The following MPV17 variants were observed in gnomAD, a reference collection of about 807,000 sequenced individuals.
MPV17 encodes the protein MPV17, mitochondrial inner membrane protein.
MPV17 carries 31 observed loss-of-function variants against 28.6 expected under a neutral mutation model. That is an observed-to-expected ratio of 1.08 (90% CI 0.81 to 1.46). The LOEUF is 1.46. MPV17 is among the 40% of genes most tolerant of loss of function. The pLI, the probability that MPV17 is intolerant of heterozygous loss-of-function variation, is 0.00. For synonymous variants in MPV17, 87 were observed against 85.3 expected (o/e 1.02, Z -0.11); for missense variants, 198 against 216.2 (o/e 0.92, Z 0.53).
rs1231839460 is a variant in MPV17 at position 27,312,726 on chromosome 2, G to A, written c.233C>T (p.Pro78Leu). ...CAGTGCATCCACTTTGGTGGTGCCAGGGATGAACCGATCCAAAACCTTGTA... is the reference window on the plus strand; with the variant it reads ...CAGTGCATCCACTTTGGTGGTGCCAAGGATGAACCGATCCAAAACCTTGTA... ...GWYKVLDRFIPGTTKVDALKK... is the reference protein window; with the variant it reads ...GWYKVLDRFILGTTKVDALKK... The change falls in exon 4 of 8, where the codon CCT becomes CTT. Residue 78 changes from proline to leucine, a missense_variant. Transcript: ENST00000380044. 2.5e-6 allele frequency: 4 copies of A among 1,614,078 alleles called. No homozygotes were observed. Among genetic ancestry groups the A allele is most frequent in the African/African-American group, 1.3e-5 (1 of 74,940 alleles).
intron 2 of MPV17, among the ~76,000 whole-genome samples, chr2:27,318,932 T>G (rs1242606590): frequency 2.6e-5 from 4 of 151,796 alleles, no homozygotes; most frequent in African/African-American, 9.7e-5. Flanking sequence ...GCCCAGCTAA[T>G]TTTTGTATTT....
chr2:27,321,978 C>A (rs1013841837), intron 2 of MPV17: 2 of 192,972 alleles, frequency 1.0e-5, no homozygotes, highest in East Asian at 2.6e-4. Flanking sequence ...CTTAATCATT[C>A]TTTTGTATGT....
At chr2:27,322,290 A>G (rs1193015004) in intron 2 of MPV17, 158 bp downstream of exon 2, 1 of 734,534 alleles carries the variant, frequency 1.4e-6, no homozygotes, top group Admixed American at 2.0e-5. Context: ...CTTGGGGACC[A>G]CCCTCCAAAA....
chr2:27,321,258 G>A (rs1572553761), intron 2 of MPV17, among the ~76,000 whole-genome samples: 1 of 152,252 alleles, frequency 6.6e-6, no homozygotes, highest in Admixed American at 6.5e-5. Flanking sequence ...ACACTGTCCA[G>A]CATGAGTCAC....
rs2148215841 is a variant in MPV17, at chr2:27,312,698, C to T, written c.261G>A (p.Lys87=). Residue 87 remains lysine (K), a synonymous_variant, in exon 4 of 8, where the codon AAG becomes AAA. Transcript: ENST00000380044. The part of the protein sequence containing the change: ...IPGTTKVDAL[K]KMLLDQGGFA... ...TGCTCACCTGATCCAACAACATCTTCTTCAGTGCATCCACTTTGGTGGTGC... is the reference window on the plus strand; with the variant it reads ...TGCTCACCTGATCCAACAACATCTTTTTCAGTGCATCCACTTTGGTGGTGC... 6.2e-6 allele frequency: 10 copies of T among 1,614,260 alleles called. No homozygotes were observed. Among genetic ancestry groups the T allele is most frequent in the Non-Finnish European group, 8.5e-6 (10 of 1,180,048 alleles).
intron 2 of MPV17, chr2:27,313,418 G>A: frequency 1.7e-6 from 1 of 594,456 alleles, no homozygotes; most frequent in Non-Finnish European, 3.0e-6. Context: ...AAGGCCACAG[G>A]GCTGAGAACC....
At position 27,312,194 on chromosome 2, in the gene MPV17, G is replaced by A; in HGVS notation, c.408+20C>T. On this transcript the variant is annotated intron_variant, in intron 6 of 7. Coordinates refer to ENST00000380044, the MANE Select transcript of MPV17 (RefSeq NM_002437.5). Reference sequence around the variant, plus strand: ...ACTTAAGGAAGCAGGAGAACAAGCAGTTGAGGTGTCAGCTCTTACATAGTA... The same window carrying A: ...ACTTAAGGAAGCAGGAGAACAAGCAATTGAGGTGTCAGCTCTTACATAGTA... 6.2e-7 allele frequency: 1 copy of A among 1,612,738 alleles called. No homozygotes were observed.
intron 2 of MPV17, among the ~76,000 whole-genome samples, chr2:27,314,083 G>C (rs1679558599): frequency 6.6e-6 from 1 of 152,172 alleles, no homozygotes; most frequent in African/African-American, 2.4e-5. Context: ...CCGGCACTCT[G>C]GGAGGCTGAG....
chr2:27,322,283 G>T, intron 2 of MPV17, 165 bp downstream of exon 2: 1 of 713,440 alleles, frequency 1.4e-6, no homozygotes, highest in Non-Finnish European at 2.5e-6. Context: ...AAACAGCCTT[G>T]GGGACCACCC....
chr2:27,313,579 T>C (rs1351390538), intron 2 of MPV17, among the ~76,000 whole-genome samples: 1 of 152,296 alleles, frequency 6.6e-6, no homozygotes, highest in East Asian at 1.9e-4. Flanking sequence ...CACTGTTCTT[T>C]CCAGGACTCA....
At chr2:27,320,934 A>G (rs1353093415) in intron 2 of MPV17, among the ~76,000 whole-genome samples, 1 of 152,128 alleles carries the variant, frequency 6.6e-6, no homozygotes, top group Non-Finnish European at 1.5e-5. Flanking sequence ...GTCTGGGAAA[A>G]GTGCTGGGAG....
rs575924994 is a variant in MPV17, at chr2:27,317,397, A to G, written c.71-4288T>C. 7.2e-5 allele frequency among the ~76,000 whole-genome samples: 11 copies of G among 152,208 alleles called. No individual in the cohort carries two copies. Among genetic ancestry groups the G allele is most frequent in the African/African-American group, 2.4e-4 (10 of 41,540 alleles). On this transcript the variant is annotated intron_variant, in intron 2 of 7. Coordinates refer to ENST00000380044, the MANE Select transcript of MPV17 (RefSeq NM_002437.5). The surrounding 1 kb of genome is among the most constrained non-coding windows in gnomAD (Gnocchi z 4.0). ...TCCTACTGCTAGAAAATGAGACAAA[A>G]CGGGTAGTTTTGCAGCTTGTTACGT...
intron 2 of MPV17, among the ~76,000 whole-genome samples, chr2:27,318,061 TTTC>T (rs1679720706): frequency 6.6e-6 from 1 of 151,834 alleles, no homozygotes; most frequent in Non-Finnish European, 1.5e-5. Flanking sequence ...GAGGTCAATC[TTTC>T]TTTTCTTTTT....
chr2:27,317,086 C>A lies in MPV17; in HGVS notation c.71-3977G>T. On this transcript the variant is annotated intron_variant, in intron 2 of 7. Coordinates refer to ENST00000380044, the MANE Select transcript of MPV17 (RefSeq NM_002437.5). This position sits in a 1 kb window ranked among gnomAD's most constrained non-coding sequence, Gnocchi z 4.0. ...TTTGTTCCTCTACTTACTTTTGTGG[C>A]TTTTGAGTTTCATGCGCAGAAGGCA... 6.5e-7 allele frequency: 1 copy of A among 1,547,946 alleles called. No homozygotes were observed. Among genetic ancestry groups the A allele is most frequent in the Non-Finnish European group, 8.7e-7 (1 of 1,146,402 alleles).
chr2:27,309,847 G>T lies in MPV17; in HGVS notation c.*65C>A. On this transcript the variant is annotated 3_prime_UTR_variant, in exon 8 of 8. Coordinates refer to ENST00000380044, the MANE Select transcript of MPV17 (RefSeq NM_002437.5). ...AAACTGGTATGCCCACTTTGAGGAG[G>T]TTGTCTGACCGTTCCAGGGTCAAGC... 7.1e-7 allele frequency: 1 copy of T among 1,403,364 alleles called. No homozygotes were observed. The highest frequency in any genetic ancestry group is 1.8e-4 in the Middle Eastern group (1 of 5,614). 86.9% of individuals were successfully genotyped at this position (1,403,364 alleles called of 1,614,324 possible).
chr2:27,319,691 G>A (rs1679781964), intron 2 of MPV17, among the ~76,000 whole-genome samples: 1 of 151,592 alleles, frequency 6.6e-6, no homozygotes, highest in African/African-American at 2.4e-5. Context: ...CTGGGAGGCT[G>A]AGGTGGGCGG....
intron 2 of MPV17, chr2:27,321,962 A>G (rs1300666264): frequency 5.4e-6 from 1 of 186,010 alleles, no homozygotes; most frequent in Non-Finnish European, 1.2e-5. Context: ...AACTGTACAT[A>G]CACATCTTAA....
chr2:27,310,886 AG>A, intron 7 of MPV17, among the ~76,000 whole-genome samples: 1 of 144,422 alleles, frequency 6.9e-6, no homozygotes, highest in African/African-American at 2.6e-5. Flanking sequence ...CTGGGACTAC[AG>A]GCACCTGCCA....
chr2:27,311,759 G>C, intron 7 of MPV17, 140 bp downstream of exon 7: 2 of 1,559,068 alleles, frequency 1.3e-6, no homozygotes, highest in Non-Finnish European at 1.7e-6. Flanking sequence ...AACACGCTTG[G>C]GAATCTGAGG....
Sources: gnomAD v4.1 joint callset for allele counts (sites outside exome capture counted in the v4.1 genomes callset) on GRCh38, gnomAD v4.1.1 for gene constraint, Gnocchi (gnomAD v3.1) non-coding constraint, MANE v1.5 for transcripts, NCBI Gene and HGNC (gene_info 2026-07-23, HGNC 2026-07-21) for gene names.